Variants in CDH13 observed in about 807,000 individuals in gnomAD.
CDH13 encodes cadherin-13.
In CDH13, 24 loss-of-function variants were observed where a neutral mutation model predicts 63.8. The observed-to-expected ratio is 0.38, with a 90% CI of 0.27 to 0.53. The LOEUF (loss-of-function observed/expected upper bound fraction) is 0.53. CDH13 is among the 20% of genes least tolerant of loss of function. CDH13 has a pLI of 0.85. For missense variants in CDH13, 1,049 were observed against 903.1 expected (o/e 1.16, Z -2.07); for synonymous variants, 503 against 355.3 (o/e 1.42, Z -4.67).
At chr16:83,224,956 C>G (rs2151796706) in intron 5 of CDH13, among the ~76,000 whole-genome samples, 1 of 152,316 alleles carries the variant, frequency 6.6e-6, no homozygotes, top group Admixed American at 6.5e-5. Context: ...AGCAGGTAAA[C>G]AGTTGAATGT....
intron 3 of CDH13, among the ~76,000 whole-genome samples, chr16:83,035,966 C>T (rs1916812853): frequency 6.6e-6 from 1 of 152,088 alleles, no homozygotes. Flanking sequence ...GTCTTTCATC[C>T]TCACAACAGT....
intron 10 of CDH13, among the ~76,000 whole-genome samples, chr16:83,704,696 A>C (rs985874418): frequency 3.3e-5 from 5 of 152,232 alleles, no homozygotes; most frequent in African/African-American, 9.6e-5. Flanking sequence ...CTCTGATAGA[A>C]AATTGTTGAA....
chr16:83,073,087 C>T (rs72796241), intron 3 of CDH13, among the ~76,000 whole-genome samples: 36,043 of 152,056 alleles, frequency 0.24, 4,793 homozygotes, highest in East Asian at 0.46. Context: ...ACGAACTCCT[C>T]GTGACAACCT....
intron 10 of CDH13, among the ~76,000 whole-genome samples, chr16:83,730,136 C>T (rs1021625264): frequency 7.2e-5 from 11 of 152,222 alleles, no homozygotes; most frequent in African/African-American, 2.7e-4. Context: ...TTTTGATCAA[C>T]AGTTCCCTGA....
At position 83,798,533 on chromosome 16, in the gene CDH13, G is replaced by A. The variant is rs1904294815; in HGVS notation, c.*3503G>A. ...CTTCTCCAACTCACAGATAAAGAAG[G>A]CTGAGGCTCAGAAAAATTGAATGGC... is the stretch of plus-strand genomic sequence containing the variant. On this transcript the variant is annotated 3_prime_UTR_variant, in exon 14 of 14. Transcript: ENST00000567109. 1 of 152,202 alleles carries A rather than the reference G, an allele frequency of 6.6e-6. No homozygotes were observed. Among genetic ancestry groups the A allele is most frequent in the Non-Finnish European group, 1.5e-5 (1 of 68,054 alleles). 9.4% of individuals were successfully genotyped at this position (152,202 alleles called of 1,614,324 possible).
chr16:83,436,012 G>A (rs2072290355), intron 6 of CDH13, among the ~76,000 whole-genome samples: 1 of 152,178 alleles, frequency 6.6e-6, no homozygotes, highest in Non-Finnish European at 1.5e-5. Flanking sequence ...AATGTCTGGA[G>A]GGTTGTCATG....
intron 7 of CDH13, among the ~76,000 whole-genome samples, chr16:83,588,262 C>T (rs1216715974): frequency 6.6e-6 from 1 of 152,348 alleles, no homozygotes; most frequent in Non-Finnish European, 1.5e-5. Context: ...TTTCTAGAGA[C>T]TGATTCAGCC....
chr16:82,810,985 G>A (rs1205587807), intron 1 of CDH13, among the ~76,000 whole-genome samples: 1 of 152,130 alleles, frequency 6.6e-6, no homozygotes, highest in Non-Finnish European at 1.5e-5. Context: ...CTCTCAGTCT[G>A]CTGAAGCCTG....
At chr16:83,706,159 T>C (rs1266968877) in intron 10 of CDH13, among the ~76,000 whole-genome samples, 1 of 152,176 alleles carries the variant, frequency 6.6e-6, no homozygotes, top group East Asian at 1.9e-4. Flanking sequence ...TATCTGGCAA[T>C]TGTTGATTGC....
intron 3 of CDH13, among the ~76,000 whole-genome samples, chr16:83,093,572 G>A (rs912613833): frequency 6.6e-5 from 10 of 151,876 alleles, no homozygotes; most frequent in Non-Finnish European, 8.8e-5. Context: ...CACCTACCTC[G>A]GCCTCCCAAA....
chr16:83,147,283 C>T (rs780005707), intron 4 of CDH13, among the ~76,000 whole-genome samples: 1 of 152,208 alleles, frequency 6.6e-6, no homozygotes, highest in African/African-American at 2.4e-5. Context: ...TCCGTCCACC[C>T]TTTCCTGAAG....
At chr16:83,713,058 A>G (rs1908303778) in intron 10 of CDH13, among the ~76,000 whole-genome samples, 1 of 152,238 alleles carries the variant, frequency 6.6e-6, no homozygotes, top group South Asian at 2.1e-4. Context: ...TGAGCACTTT[A>G]GGCCTTTTAC....
intron 7 of CDH13, among the ~76,000 whole-genome samples, chr16:83,537,886 T>A (rs1276529584): frequency 6.6e-6 from 1 of 152,218 alleles, no homozygotes; most frequent in Admixed American, 6.5e-5. Flanking sequence ...CATAACTATA[T>A]TCAACATAGT....
chr16:83,497,103 C>T (rs553920290), intron 7 of CDH13, among the ~76,000 whole-genome samples: 1 of 152,280 alleles, frequency 6.6e-6, no homozygotes, highest in South Asian at 2.1e-4. Flanking sequence ...GTCAGTGTGG[C>T]GTTTCCTCAG....
chr16:83,704,254 G>C (rs1416243032), intron 10 of CDH13, among the ~76,000 whole-genome samples: 1 of 152,182 alleles, frequency 6.6e-6, no homozygotes, highest in Non-Finnish European at 1.5e-5. Context: ...TTTTCATTCA[G>C]TCAGGTTAGG....
At chr16:82,908,359 T>C (rs137979627) in intron 2 of CDH13, among the ~76,000 whole-genome samples, 4 of 152,232 alleles carry the variant, frequency 2.6e-5, no homozygotes, top group Non-Finnish European at 5.9e-5. Context: ...CCTCCCATAT[T>C]GACAAGGTTG....
intron 2 of CDH13, among the ~76,000 whole-genome samples, chr16:82,912,579 G>T (rs2041864748): frequency 6.6e-6 from 1 of 152,204 alleles, no homozygotes; most frequent in Non-Finnish European, 1.5e-5. Flanking sequence ...AATACTCTTA[G>T]TTGGTTCTGC....
chr16:82,950,693 T>C (rs985655506), intron 2 of CDH13, among the ~76,000 whole-genome samples: 7 of 152,156 alleles, frequency 4.6e-5, no homozygotes, highest in African/African-American at 1.4e-4. Flanking sequence ...AATGGACTAA[T>C]ACAGGATACC....
rs181382193 is a variant in CDH13, at chr16:83,183,419, A to G, written c.484-33926A>G. On this transcript the variant is annotated intron_variant, in intron 4 of 13. Coordinates refer to ENST00000567109, the MANE Select transcript of CDH13 (RefSeq NM_001257.5). ...AAGCCATGGATTTGTTTCCTAGGGA[A>G]CTAGTGAGTGAGGAAGATCTATAAT... Among the ~76,000 whole-genome samples the G allele has an allele frequency of 2.1e-3, 316 of 152,326 alleles. 2 individuals are homozygous for G. The highest frequency in any genetic ancestry group is 7.3e-3 in the African/African-American group (305 of 41,582).
Sources: gnomAD v4.1 joint callset for allele counts (sites outside exome capture counted in the v4.1 genomes callset) on GRCh38, gnomAD v4.1.1 for gene constraint, MANE v1.5 for transcripts, NCBI Gene and HGNC (gene_info 2026-07-23, HGNC 2026-07-21) for gene names.